SPAG16: variants seen among roughly 807,000 people sequenced by gnomAD.
SPAG16 encodes the protein sperm-associated antigen 16 protein.
SPAG16 carries 86 observed loss-of-function variants against 80.4 expected under a neutral mutation model. That is an observed-to-expected ratio of 1.07 (90% CI 0.90 to 1.28). The LOEUF (loss-of-function observed/expected upper bound fraction) is 1.28, where lower values mean the gene tolerates loss of function less well. Ranked by LOEUF, SPAG16 falls within the 50% of genes most tolerant of loss-of-function variation. The pLI, the probability that SPAG16 is intolerant of heterozygous loss-of-function variation, is 0.00. For missense variants in SPAG16, 870 were observed against 765.3 expected, an observed-to-expected ratio of 1.14 and a Z score of -1.61; for synonymous variants, 294 against 265.9, an observed-to-expected ratio of 1.11 and a Z score of -1.03.
chr2:213,703,672 C>T (rs76689978), intron 10 of SPAG16, among the ~76,000 whole-genome samples: 5,499 of 152,242 alleles, frequency 0.036, 340 homozygotes, highest in African/African-American at 0.13. Flanking sequence ...CTGTGAACTT[C>T]GCAAGTCCAT....
At chr2:213,823,216 C>T (rs1017028157) in intron 10 of SPAG16, among the ~76,000 whole-genome samples, 1 of 152,184 alleles carries the variant, frequency 6.6e-6, no homozygotes, top group Admixed American at 6.5e-5. Context: ...CCTATTTCTC[C>T]ACAGCCTTGC....
At chr2:213,664,324 T>G (rs914740559) in intron 10 of SPAG16, among the ~76,000 whole-genome samples, 2 of 151,952 alleles carry the variant, frequency 1.3e-5, no homozygotes, top group East Asian at 3.8e-4. Flanking sequence ...TATAGGTTCC[T>G]GGAATTAGGA....
chr2:213,973,755 C>T (rs1242790476), intron 12 of SPAG16, among the ~76,000 whole-genome samples: 2 of 151,672 alleles, frequency 1.3e-5, no homozygotes, highest in Non-Finnish European at 2.9e-5. Context: ...TGTGAAGGCA[C>T]AGATGTTTGG....
chr2:213,740,540 C>A (rs796732902), intron 10 of SPAG16, among the ~76,000 whole-genome samples: 1 of 152,332 alleles, frequency 6.6e-6, no homozygotes, highest in Admixed American at 6.5e-5. Context: ...AGGCCATCAT[C>A]ATTTGCCTCA....
rs79906648 is a variant in SPAG16 at position 213,578,779 on chromosome 2, T to C, written c.1070+88689T>C. On this transcript the variant is annotated intron_variant, in intron 10 of 15. Transcript: ENST00000331683. ...TTTTCTGCTTATATTGTTGTAAAGA[T>C]TTTAAGTTTTGAAAAAATATTAAGG... Among the ~76,000 whole-genome samples, 104 of 152,214 alleles carry C rather than the reference T, an allele frequency of 6.8e-4. No homozygotes were observed. In the East Asian group the frequency reaches 0.015, roughly 22 times the overall value.
intron 10 of SPAG16, among the ~76,000 whole-genome samples, chr2:213,605,136 C>G (rs1343490042): frequency 6.6e-6 from 1 of 151,950 alleles, no homozygotes; most frequent in Admixed American, 6.6e-5. Context: ...AGATGAACTT[C>G]TTGTACCCAT....
intron 10 of SPAG16, among the ~76,000 whole-genome samples, chr2:213,691,248 G>T (rs1348354496): frequency 1.3e-5 from 2 of 152,068 alleles, no homozygotes; most frequent in Non-Finnish European, 2.9e-5. Flanking sequence ...CTTGAATCTG[G>T]GCTAGCCCTG....
chr2:213,415,151 A>G (rs907495198), intron 9 of SPAG16, among the ~76,000 whole-genome samples: 3 of 152,242 alleles, frequency 2.0e-5, no homozygotes, highest in Admixed American at 1.3e-4. Flanking sequence ...GCCAAGCTAA[A>G]GCTTGATGGG....
intron 5 of SPAG16, among the ~76,000 whole-genome samples, chr2:213,324,932 T>A (rs2063780269): frequency 6.6e-6 from 1 of 152,106 alleles, no homozygotes; most frequent in Non-Finnish European, 1.5e-5. Context: ...TTGTAGCCAT[T>A]TTAACTGTTG....
At chr2:213,856,118 AC>A (rs1332654686) in intron 10 of SPAG16, among the ~76,000 whole-genome samples, 1 of 152,202 alleles carries the variant, frequency 6.6e-6, no homozygotes, top group Admixed American at 6.5e-5. Context: ...TGGTAAATAT[AC>A]CCATTCCAAA....
intron 9 of SPAG16, among the ~76,000 whole-genome samples, chr2:213,465,632 C>A (rs1338778263): frequency 6.6e-6 from 1 of 152,152 alleles, no homozygotes; most frequent in Non-Finnish European, 1.5e-5. Flanking sequence ...CAGAGACTCC[C>A]CTTAGAAGAC....
intron 15 of SPAG16, among the ~76,000 whole-genome samples, chr2:214,185,744 G>A (rs1275420862): frequency 6.6e-6 from 1 of 152,092 alleles, no homozygotes; most frequent in Non-Finnish European, 1.5e-5. Context: ...GTGACAAAGG[G>A]GCAAAGGCTA....
intron 11 of SPAG16, among the ~76,000 whole-genome samples, chr2:213,913,830 G>C (rs1391854561): frequency 1.3e-5 from 2 of 152,006 alleles, no homozygotes; most frequent in African/African-American, 4.8e-5. Context: ...GAGCAGGCTG[G>C]GGATCCAGGG....
chr2:213,478,151 G>A (rs964624280), intron 9 of SPAG16, among the ~76,000 whole-genome samples: 3 of 152,156 alleles, frequency 2.0e-5, no homozygotes, highest in Non-Finnish European at 2.9e-5. Context: ...TCTCCCCAGC[G>A]ATCTGGAGCT....
chr2:213,533,515 A>G (rs2076143786), intron 10 of SPAG16, among the ~76,000 whole-genome samples: 1 of 152,186 alleles, frequency 6.6e-6, no homozygotes, highest in South Asian at 2.1e-4. Context: ...AACATTTGAC[A>G]TCCTCTTACT....
At chr2:213,549,388 CTCA>C (rs2076717346) in intron 10 of SPAG16, among the ~76,000 whole-genome samples, 1 of 152,098 alleles carries the variant, frequency 6.6e-6, no homozygotes, top group Non-Finnish European at 1.5e-5. Context: ...TGACAGCTAT[CTCA>C]TCAACATGTC....
At chr2:214,090,877 A>T (rs1242229171) in intron 13 of SPAG16, among the ~76,000 whole-genome samples, 1 of 152,088 alleles carries the variant, frequency 6.6e-6, no homozygotes, top group Non-Finnish European at 1.5e-5. Context: ...AGTGCCTTAA[A>T]GGCATTCTAT....
intron 10 of SPAG16, among the ~76,000 whole-genome samples, chr2:213,663,054 C>T (rs2063481244): frequency 6.6e-6 from 1 of 152,016 alleles, no homozygotes; most frequent in African/African-American, 2.4e-5. Flanking sequence ...AATCTGAAAT[C>T]TGAGAATTTT....
At chr2:213,825,458 T>A (rs891512604) in intron 10 of SPAG16, among the ~76,000 whole-genome samples, 3 of 152,108 alleles carry the variant, frequency 2.0e-5, no homozygotes, top group Admixed American at 6.6e-5. Context: ...TATCAAATAC[T>A]TTTTCAGCAT....
Sources: allele counts gnomAD v4.1 joint callset (sites outside exome capture counted in the v4.1 genomes callset), GRCh38; gene constraint gnomAD v4.1.1; transcripts MANE v1.5; gene names NCBI Gene and HGNC (gene_info 2026-07-23, HGNC 2026-07-21).